APBA2: variants seen among roughly 807,000 people sequenced by gnomAD.
APBA2 encodes amyloid-beta A4 precursor protein-binding family A member 2.
APBA2 carries 30 observed loss-of-function variants against 75.0 expected under a neutral mutation model. The observed-to-expected ratio is 0.40, with a 90% CI of 0.30 to 0.54. APBA2 has a LOEUF of 0.54. APBA2 is among the 20% of genes least tolerant of loss of function. The pLI, the probability that APBA2 is intolerant of heterozygous loss-of-function variation, is 0.49. For synonymous variants in APBA2, 444 were observed against 409.6 expected, an observed-to-expected ratio of 1.08 and a Z score of -1.01; for missense variants, 801 against 1,016.1, an observed-to-expected ratio of 0.79 and a Z score of 2.88.
At chr15:29,089,795 G>A (rs917698428) in intron 6 of APBA2, among the ~76,000 whole-genome samples, 1 of 152,148 alleles carries the variant, frequency 6.6e-6, no homozygotes, top group South Asian at 2.1e-4. Context: ...TAAGATATAC[G>A]GTGTGAAAAG....
chr15:29,103,491 A>T (rs2044233943), intron 10 of APBA2, among the ~76,000 whole-genome samples: 1 of 152,146 alleles, frequency 6.6e-6, no homozygotes, highest in African/African-American at 2.4e-5. Flanking sequence ...CCGCAGAGAG[A>T]GCCCCCTGAA....
intron 2 of APBA2, among the ~76,000 whole-genome samples, chr15:28,972,870 C>A (rs2152754794): frequency 6.6e-6 from 1 of 152,312 alleles, no homozygotes; most frequent in South Asian, 2.1e-4. Flanking sequence ...AAAAAATACT[C>A]CTCCTGAAAA....
chr15:28,992,334 A>G (rs569539475), intron 2 of APBA2, among the ~76,000 whole-genome samples: 1 of 152,184 alleles, frequency 6.6e-6, no homozygotes, highest in Admixed American at 6.5e-5. Context: ...AAATGTATGA[A>G]TCGTCTTCTT....
intron 12 of APBA2, among the ~76,000 whole-genome samples, chr15:29,108,001 G>A (rs1028880059): frequency 2.0e-5 from 3 of 152,160 alleles, no homozygotes; most frequent in Non-Finnish European, 4.4e-5. Context: ...CTCCTGCAGT[G>A]GCTAATCTTC....
intron 13 of APBA2, 91 bp from the exon 14 acceptor site, chr15:29,113,785 T>C: frequency 6.4e-7 from 1 of 1,552,722 alleles, no homozygotes; most frequent in East Asian, 2.3e-5. Flanking sequence ...TGTGGCGCTT[T>C]TCCCTCTGCA....
intron 1 of APBA2, among the ~76,000 whole-genome samples, chr15:28,901,052 A>G (rs755778141): frequency 4.6e-5 from 7 of 152,212 alleles, no homozygotes; most frequent in Middle Eastern, 3.4e-3. Flanking sequence ...CAGAGAGACT[A>G]GAGTACCAAG....
chr15:28,970,544 A>G (rs1234984103), intron 2 of APBA2: 3 of 149,834 alleles, frequency 2.0e-5, no homozygotes, highest in Admixed American at 2.0e-4. Context: ...GTAATTTGTT[A>G]TTATTCTTCC....
At chr15:29,041,166 G>C (rs569352433) in intron 3 of APBA2, among the ~76,000 whole-genome samples, 9 of 152,216 alleles carry the variant, frequency 5.9e-5, no homozygotes, top group Admixed American at 1.3e-4. Context: ...CTGAATAAAA[G>C]AAAAATGAGT....
intron 2 of APBA2, among the ~76,000 whole-genome samples, chr15:28,985,446 G>C (rs1435983858): frequency 6.6e-6 from 1 of 152,220 alleles, no homozygotes; most frequent in East Asian, 1.9e-4. Context: ...AGGCCTAAGT[G>C]CTTCTGCCAC....
intron 2 of APBA2, among the ~76,000 whole-genome samples, chr15:28,985,960 C>A (rs559701821): frequency 6.6e-4 from 100 of 152,340 alleles, no homozygotes; most frequent in Admixed American, 2.9e-3. Context: ...TTGCCAGACA[C>A]CTCCATTCCA....
chr15:29,013,273 CTTTTT>C (rs560518234), intron 3 of APBA2, among the ~76,000 whole-genome samples: 1 of 85,844 alleles, frequency 1.2e-5, no homozygotes, highest in African/African-American at 5.0e-5. Flanking sequence ...ATGAGTCATT[CTTTTT>C]TTTTTTTTTT....
At chr15:29,027,848 A>C (rs1415674100) in intron 3 of APBA2, among the ~76,000 whole-genome samples, 1 of 151,888 alleles carries the variant, frequency 6.6e-6, no homozygotes, top group Non-Finnish European at 1.5e-5. Context: ...TGATCCGCCC[A>C]CCTTGAAGCC....
At position 28,972,086 on chromosome 15, in the gene APBA2, A is replaced by T. The variant is rs959008804; in HGVS notation, c.-94-23667A>T. Among the ~76,000 whole-genome samples, 9 of 152,304 alleles carry T rather than the reference A, an allele frequency of 5.9e-5. No individual in the cohort carries two copies. The South Asian group carries it at 1.2e-3, about 21-fold the overall frequency. The stretch of plus-strand genomic sequence containing the variant: ...AGAGCTAATTAAGGAAAGCAAATGA[A>T]GAAAAGTCTAAGATAATCTCTGAAA... On this transcript the variant is annotated intron_variant, in intron 2 of 14. Transcript: ENST00000683413.
At chr15:28,901,518 G>T (rs2032852706) in intron 1 of APBA2, among the ~76,000 whole-genome samples, 1 of 152,220 alleles carries the variant, frequency 6.6e-6, no homozygotes, top group South Asian at 2.1e-4. Flanking sequence ...GGTGCTGTGT[G>T]TGGTTCAGAA....
intron 2 of APBA2, among the ~76,000 whole-genome samples, chr15:28,963,178 CGTTT>C (rs1416665468): frequency 7.2e-5 from 11 of 152,254 alleles, no homozygotes; most frequent in Admixed American, 5.2e-4. Context: ...TTTCTAATTA[CGTTT>C]GTTTGTTTGG....
chr15:29,001,003 C>T (rs1202280388), intron 3 of APBA2, among the ~76,000 whole-genome samples: 2 of 152,094 alleles, frequency 1.3e-5, no homozygotes, highest in Admixed American at 6.5e-5. Flanking sequence ...AGGTGCTTCT[C>T]TTTATCTTCA....
chr15:28,905,232 G>A (rs2033077478), intron 1 of APBA2, among the ~76,000 whole-genome samples: 1 of 152,198 alleles, frequency 6.6e-6, no homozygotes, highest in East Asian at 1.9e-4. Flanking sequence ...TTTTGCAGAA[G>A]CAATAGGTGG....
At chr15:29,011,176 T>C (rs1474288204) in intron 3 of APBA2, among the ~76,000 whole-genome samples, 1 of 152,214 alleles carries the variant, frequency 6.6e-6, no homozygotes, top group African/African-American at 2.4e-5. Context: ...ATTTTCTCCC[T>C]TTTTAAGGCT....
intron 1 of APBA2, among the ~76,000 whole-genome samples, chr15:28,909,915 G>C (rs2033349181): frequency 6.6e-6 from 1 of 152,142 alleles, no homozygotes; most frequent in Admixed American, 6.5e-5. Flanking sequence ...GCCCCTCTGC[G>C]TGACTGCAGT....
Sources: gnomAD v4.1 joint callset for allele counts (sites outside exome capture counted in the v4.1 genomes callset) on GRCh38, gnomAD v4.1.1 for gene constraint, MANE v1.5 for transcripts, NCBI Gene and HGNC (gene_info 2026-07-23, HGNC 2026-07-21) for gene names.